The following NCOR2 variants were observed in gnomAD, a reference collection of about 807,000 sequenced individuals.
The protein encoded by NCOR2 is nuclear receptor corepressor 2, also known as CTG repeat protein 26.
A neutral mutation model predicts 262.9 loss-of-function variants in NCOR2; 81 were observed. That is an observed-to-expected ratio of 0.31 (90% CI 0.26 to 0.37). The LOEUF (loss-of-function observed/expected upper bound fraction) is 0.37. NCOR2 is among the 10% of genes least tolerant of loss of function. The probability of loss-of-function intolerance (pLI) is 1.00; values close to 1 mark genes in which losing one functional copy is unlikely to be tolerated. For synonymous variants in NCOR2, 1,659 were observed against 1,559.3 expected (o/e 1.06, Z -1.51); for missense variants, 3,385 against 3,621.4 (o/e 0.93, Z 1.68).
intron 1 of NCOR2, among the ~76,000 whole-genome samples, chr12:124,562,998 A>C (rs1480628426): frequency 6.6e-6 from 1 of 152,190 alleles, no homozygotes; most frequent in Admixed American, 6.5e-5. Context: ...TGAGGCTCAC[A>C]ATAGGTAAGT....
intron 13 of NCOR2, among the ~76,000 whole-genome samples, chr12:124,417,080 CGGA>C (rs1565923805): frequency 5.7e-5 from 8 of 140,834 alleles, no homozygotes; most frequent in African/African-American, 2.1e-4. Flanking sequence ...GAGAGCAGGC[CGGA>C]CAGTCACTCC....
chr12:124,403,634 G>A (rs7953028), intron 13 of NCOR2, among the ~76,000 whole-genome samples: 4,997 of 152,244 alleles, frequency 0.033, 307 homozygotes, highest in African/African-American at 0.11. Context: ...TGTACCAGGG[G>A]CACAGTCACG....
chr12:124,425,266 C>T (rs949609006), intron 11 of NCOR2, among the ~76,000 whole-genome samples: 2 of 151,990 alleles, frequency 1.3e-5, no homozygotes, highest in African/African-American at 2.4e-5. Context: ...CCCAGCTACT[C>T]GGGAGGCTGA....
At chr12:124,505,149 C>A (rs891920305) in intron 1 of NCOR2, among the ~76,000 whole-genome samples, 1 of 152,226 alleles carries the variant, frequency 6.6e-6, no homozygotes, top group Non-Finnish European at 1.5e-5. Flanking sequence ...TTGCCACGTC[C>A]CCTCCTACTC....
chr12:124,355,361 C>A, intron 24 of NCOR2, 71 bp downstream of exon 26: 2 of 1,556,954 alleles, frequency 1.3e-6, no homozygotes, highest in Non-Finnish European at 1.7e-6. Context: ...ACTCAGACTT[C>A]ATTGGTCCCA....
intron 1 of NCOR2, among the ~76,000 whole-genome samples, chr12:124,556,763 G>A (rs150697911): frequency 2.6e-5 from 4 of 151,988 alleles, no homozygotes; most frequent in African/African-American, 7.2e-5. Flanking sequence ...CAGGAGAATC[G>A]CTTCAACTCA....
chr12:124,399,414 C>T (rs2041875279), intron 15 of NCOR2, among the ~76,000 whole-genome samples: 1 of 152,186 alleles, frequency 6.6e-6, no homozygotes, highest in African/African-American at 2.4e-5. Context: ...CCCCAGAGAT[C>T]AGGCAGGAAG....
intron 41 of NCOR2, among the ~76,000 whole-genome samples, chr12:124,333,956 G>A (rs1187739393): frequency 8.3e-6 from 1 of 120,606 alleles, no homozygotes; most frequent in African/African-American, 3.9e-5. Context: ...GTGTGCACGT[G>A]TGTGTGTGCG....
chr12:124,341,918 T>C, exon 34 of NCOR2: 1 of 1,612,792 alleles, frequency 6.2e-7, no homozygotes, highest in Non-Finnish European at 8.5e-7. Context: ...GGTGGCCGCG[T>C]TGTGGTGCAT....
intron 22 of NCOR2, among the ~76,000 whole-genome samples, chr12:124,357,303 G>A (rs923079247): frequency 8.5e-5 from 13 of 152,168 alleles, no homozygotes; most frequent in African/African-American, 2.9e-4. Flanking sequence ...GCCCACCACC[G>A]CACCATGCCT....
intron 40 of NCOR2, 108 bp from the exon 43 acceptor site, chr12:124,334,725 A>G: frequency 1.6e-6 from 1 of 615,648 alleles, no homozygotes; most frequent in Admixed American, 3.5e-5. Context: ...GGGTGGGGCC[A>G]GCTTCCTGGG....
In NCOR2 at chr12:124,334,454, CG is replaced by C; in HGVS notation, c.6574del (p.Arg2192ValfsTer37). The C allele has an allele frequency of 6.7e-7, 1 of 1,494,774 alleles. No homozygotes were observed. The highest frequency in any genetic ancestry group is 1.3e-5 in the South Asian group (1 of 76,068). The allele number at this position is 1,494,774 out of a possible 1,614,324, so 92.6% of individuals were successfully genotyped here. On this transcript the variant is annotated frameshift_variant, in exon 41 of 47. Transcript: ENST00000405201. LOFTEE classifies it high-confidence loss of function. ...GCCCCCTTCGCTGTGGGGGGAGCCA[CG>C]GGCCGGGGCACCATGGTCCGGGGGC...
chr12:124,392,811 T>C (rs1277657084), intron 16 of NCOR2, among the ~76,000 whole-genome samples: 4 of 152,320 alleles, frequency 2.6e-5, no homozygotes, highest in South Asian at 4.1e-4. Context: ...GGCCAGCCCA[T>C]GTGCACAGCA....
intron 13 of NCOR2, among the ~76,000 whole-genome samples, chr12:124,413,991 C>T (rs909616219): frequency 1.4e-5 from 2 of 143,300 alleles, no homozygotes; most frequent in African/African-American, 5.0e-5. Flanking sequence ...TCCAGCCTGG[C>T]TCACCTGGGG....
chr12:124,363,931 G>A (rs1350180805), intron 20 of NCOR2, 132 bp from the exon 23 acceptor site: 7 of 692,930 alleles, frequency 1.0e-5, no homozygotes, highest in Admixed American at 8.1e-5. Flanking sequence ...GACACGAGGC[G>A]ACTGTGCAGC....
At chr12:124,472,865 G>T in intron 4 of NCOR2, 87 bp downstream of exon 6, 1 of 1,564,694 alleles carries the variant, frequency 6.4e-7, no homozygotes, top group Non-Finnish European at 8.8e-7. Context: ...CTTGGGAAGG[G>T]CTTGGCACAT....
At chr12:124,338,579 C>T (rs1296208713) in intron 37 of NCOR2, among the ~76,000 whole-genome samples, 3 of 151,516 alleles carry the variant, frequency 2.0e-5, no homozygotes, top group Non-Finnish European at 4.4e-5. Context: ...GGTGAAGCAG[C>T]TCTGCCCACA....
At chr12:124,431,038 C>G (rs1419462066) in intron 8 of NCOR2, among the ~76,000 whole-genome samples, 2 of 151,870 alleles carry the variant, frequency 1.3e-5, no homozygotes, top group Admixed American at 6.6e-5. Flanking sequence ...CAAATGCAGT[C>G]ACACAAACAC....
chr12:124,459,690 A>G (rs1381736954), intron 5 of NCOR2, among the ~76,000 whole-genome samples: 2 of 152,266 alleles, frequency 1.3e-5, no homozygotes, highest in East Asian at 3.9e-4. Flanking sequence ...CCCTCTTTGA[A>G]TGCAGAGGAG....
Sources: allele counts gnomAD v4.1 joint callset (sites outside exome capture counted in the v4.1 genomes callset), GRCh38; gene constraint gnomAD v4.1.1; transcripts MANE v1.5; gene names NCBI Gene and HGNC (gene_info 2026-07-23, HGNC 2026-07-21).